CEP85L: variants seen among roughly 807,000 people sequenced by gnomAD.
CEP85L encodes the protein centrosomal protein 85L.
In CEP85L, 60 loss-of-function variants were observed where a neutral mutation model predicts 100.3. The observed-to-expected ratio is 0.60, with a 90% CI of 0.49 to 0.74. The LOEUF (loss-of-function observed/expected upper bound fraction) is 0.74, where lower values mean the gene tolerates loss of function less well. Among genes scored for constraint, CEP85L ranks in the 30% least tolerant of loss-of-function variants. The pLI is 0.00. For missense variants in CEP85L, 973 were observed against 936.2 expected (o/e 1.04, Z -0.51); for synonymous variants, 319 against 322.7 (o/e 0.99, Z 0.12).
intron 2 of CEP85L, among the ~76,000 whole-genome samples, chr6:118,575,446 T>C (rs577637228): frequency 6.6e-6 from 1 of 152,280 alleles, no homozygotes; most frequent in East Asian, 1.9e-4. Context: ...CAGGAGGAAA[T>C]AAACTATGCC....
chr6:118,483,845 T>C lies in CEP85L; in HGVS notation c.1451A>G (p.Asp484Gly). ...KKLEEKLKTR[D>G]RYISSLKKKC... ...CTTTTTCAGACTACTGATGTATCGA[T>C]CTCTAGTTTTAAGCTAAAAGCAAAC... The change falls in exon 7 of 13, where the codon GAT (aspartate) becomes GGT (glycine). Residue 484 changes from aspartate (D) to glycine (G), a missense_variant. By Grantham distance (94) the Asp-to-Gly change is moderately conservative. This residue lies in a region of CEP85L where 890 missense variants were observed against 844.5 expected (regional missense o/e 1.05). Transcript: ENST00000368491. 1 of 1,612,706 alleles carries C rather than the reference T, an allele frequency of 6.2e-7. No individual in the cohort carries two copies. Among genetic ancestry groups the C allele is most frequent in the South Asian group, 1.1e-5 (1 of 90,682 alleles).
At chr6:118,592,542 G>C (rs939848486) in intron 2 of CEP85L, among the ~76,000 whole-genome samples, 2 of 152,012 alleles carry the variant, frequency 1.3e-5, no homozygotes, top group Non-Finnish European at 2.9e-5. Flanking sequence ...TCCATTATCA[G>C]AGTCCTGAAA....
chr6:118,524,118 A>G (rs950703586), intron 3 of CEP85L, among the ~76,000 whole-genome samples, 198 bp from the exon 4 acceptor site: 1 of 152,184 alleles, frequency 6.6e-6, no homozygotes, highest in South Asian at 2.1e-4. Flanking sequence ...TATACATCTA[A>G]TGAAGAATTA....
intron 2 of CEP85L, chr6:118,574,023 A>G (rs1055187324): frequency 2.0e-5 from 3 of 152,266 alleles, no homozygotes; most frequent in Admixed American, 6.5e-5. Context: ...TGTTAAGGAC[A>G]ATAAGTTCTT....
At chr6:118,479,257 A>G (rs1382203708) in intron 10 of CEP85L, among the ~76,000 whole-genome samples, 1 of 152,186 alleles carries the variant, frequency 6.6e-6, no homozygotes, top group East Asian at 1.9e-4. Context: ...TACCACTTTT[A>G]CTTTGATTTT....
intron 2 of CEP85L, among the ~76,000 whole-genome samples, chr6:118,630,919 G>C (rs1774104674): frequency 6.6e-6 from 1 of 152,190 alleles, no homozygotes; most frequent in African/African-American, 2.4e-5. Context: ...CTCCTTATGA[G>C]AATCTAATGA....
intron 2 of CEP85L, among the ~76,000 whole-genome samples, chr6:118,616,558 G>C (rs1773060477): frequency 6.6e-6 from 1 of 150,508 alleles, no homozygotes; most frequent in Non-Finnish European, 1.5e-5. Context: ...AAAACAGGGA[G>C]TATGGGAGGG....
rs1183674877 is a variant in CEP85L at position 118,464,767 on chromosome 6, C to T, written c.*638G>A. 5 of 148,630 alleles carry T rather than the reference C, an allele frequency of 3.4e-5. No homozygotes were observed. Among genetic ancestry groups the T allele is most frequent in the Non-Finnish European group, 7.4e-5 (5 of 67,392 alleles). The allele number at this position is 148,630 out of a possible 1,614,324, so 9.2% of individuals were successfully genotyped here. A position where few individuals can be genotyped will look rare whatever the true frequency, so the allele number is the denominator to read the frequency against. On this transcript the variant is annotated 3_prime_UTR_variant, in exon 13 of 13. Transcript: ENST00000368491. ...ATCCACAATCACTCTGGAAAAACAG[C>T]TGACCTATCTACAGTACTAAAATCA... is the stretch of plus-strand genomic sequence containing the variant.
intron 2 of CEP85L, among the ~76,000 whole-genome samples, chr6:118,572,272 T>TAAAAAAAAAAAAAAAAAAAAAAA (rs572307069): frequency 9.3e-6 from 1 of 107,648 alleles, no homozygotes; most frequent in Non-Finnish European, 1.8e-5. Flanking sequence ...ACCCATTCTT[T>TAAAAAAAAAAAAAAAAAAAAAAA]AAAAAAAAAA....
intron 3 of CEP85L, among the ~76,000 whole-genome samples, chr6:118,564,735 T>G (rs543632302): frequency 3.9e-5 from 6 of 152,202 alleles, no homozygotes; most frequent in Non-Finnish European, 7.4e-5. Flanking sequence ...AAATTTGCAA[T>G]TTTTTATAGA....
At chr6:118,535,751 A>C (rs1257574813) in intron 3 of CEP85L, among the ~76,000 whole-genome samples, 1 of 152,098 alleles carries the variant, frequency 6.6e-6, no homozygotes, top group African/African-American at 2.4e-5. Context: ...AGTAATCCTT[A>C]TTTTACTTAA....
At chr6:118,629,509 C>G (rs375308586) in intron 2 of CEP85L, among the ~76,000 whole-genome samples, 19 of 152,262 alleles carry the variant, frequency 1.2e-4, no homozygotes, top group African/African-American at 4.6e-4. Flanking sequence ...AAGGCAAAAT[C>G]CAGAACACTG....
At chr6:118,498,203 T>C (rs1355156737) in intron 5 of CEP85L, among the ~76,000 whole-genome samples, 1 of 152,074 alleles carries the variant, frequency 6.6e-6, no homozygotes. Context: ...AAATGCTCAA[T>C]TAAAATGACT....
rs112551087 is a variant in CEP85L at position 118,558,664 on chromosome 6, G to C, written c.1020+6865C>G. Reference sequence around the variant, plus strand: ...ACACACACACACACACACACACAGAGAGAGAGAGAGAGAGAGAGAGAGAGG... The same window carrying C: ...ACACACACACACACACACACACAGACAGAGAGAGAGAGAGAGAGAGAGAGG... On this transcript the variant is annotated intron_variant, in intron 3 of 12. Coordinates refer to ENST00000368491, the MANE Select transcript of CEP85L (RefSeq NM_001042475.3). 0.36 allele frequency among the ~76,000 whole-genome samples: 43,883 copies of C among 120,542 alleles called. 7,386 individuals carry two copies. Among genetic ancestry groups the C allele is most frequent in the Middle Eastern group, 0.5 (102 of 206 alleles). 79.1% of individuals were successfully genotyped at this position (120,542 alleles called of 152,430 possible).
At position 118,565,532 on chromosome 6, in the gene CEP85L, C is replaced by T. The variant is rs766038507; in HGVS notation, c.1017G>A (p.Met339Ile). 2.5e-6 allele frequency: 4 copies of T among 1,613,966 alleles called. No homozygotes were observed. The highest frequency in any genetic ancestry group is 3.4e-6 in the Non-Finnish European group (4 of 1,179,948). ...AACACTAGATTTTGCACCTTACCTG[C>T]ATTGGTGTTTCACTTCCTTGTCGAA... Reference protein sequence around the residue: ...EDFRQGSETPMQVLTGSSRQS... With the variant: ...EDFRQGSETPIQVLTGSSRQS... Residue 339 changes from methionine (M) to isoleucine (I), a missense_variant, in exon 3 of 13, where the codon ATG (methionine) becomes ATA (isoleucine). Met to Ile is a conservative substitution (Grantham distance 10, BLOSUM62 1). This residue lies in a region of CEP85L where 890 missense variants were observed against 844.5 expected (regional missense o/e 1.05). Transcript: ENST00000368491.
chr6:118,580,837 G>C (rs1296165272), intron 2 of CEP85L, among the ~76,000 whole-genome samples: 4 of 152,164 alleles, frequency 2.6e-5, no homozygotes, highest in Admixed American at 2.6e-4. Flanking sequence ...CAACTGTGTG[G>C]GAATTTAGTA....
At chr6:118,542,107 T>C (rs993978122) in intron 3 of CEP85L, among the ~76,000 whole-genome samples, 1 of 152,160 alleles carries the variant, frequency 6.6e-6, no homozygotes, top group Non-Finnish European at 1.5e-5. Flanking sequence ...ATGGCAAAAA[T>C]TATATCCCCT....
At chr6:118,570,928 G>A (rs796111879) in intron 2 of CEP85L, among the ~76,000 whole-genome samples, 30 of 151,360 alleles carry the variant, frequency 2.0e-4, no homozygotes, top group African/African-American at 6.3e-4. Context: ...ACACACACAT[G>A]CACACACAAC....
chr6:118,632,066 T>C lies in CEP85L; in HGVS notation c.232+387A>G, dbSNP rs987445987. Among the ~76,000 whole-genome samples, 15 of 152,200 alleles carry C rather than the reference T, an allele frequency of 9.9e-5. 1 individual carries two copies. Among genetic ancestry groups the C allele is most frequent in the Admixed American group, 8.5e-4 (13 of 15,286 alleles). ...GTGCAGTGGCACGATCTCAGCTCAC[T>C]GCAAGCTCCGCCTCCTGGGTTCACG... is the stretch of plus-strand genomic sequence containing the variant. On this transcript the variant is annotated intron_variant, in intron 2 of 12. Transcript: ENST00000368491.
Sources: gnomAD v4.1 joint callset for allele counts (sites outside exome capture counted in the v4.1 genomes callset) on GRCh38, gnomAD v4.1.1 for gene constraint, gnomAD v4.1.1 regional missense constraint, MANE v1.5 for transcripts, NCBI Gene and HGNC (gene_info 2026-07-23, HGNC 2026-07-21) for gene names.